The following RNF144A variants were observed in gnomAD, a reference collection of about 807,000 sequenced individuals.
RNF144A encodes the protein ring finger protein 144A.
A neutral mutation model predicts 38.7 loss-of-function variants in RNF144A; 11 were observed. The observed-to-expected ratio is 0.28, with a 90% CI of 0.18 to 0.47. RNF144A has a LOEUF of 0.47. Ranked by LOEUF, RNF144A falls within the 20% of genes least tolerant of loss-of-function variation. The probability of loss-of-function intolerance (pLI) is 0.99; values close to 1 mark genes in which losing one functional copy is unlikely to be tolerated. For missense variants in RNF144A, 316 were observed against 377.2 expected, an observed-to-expected ratio of 0.84 and a Z score of 1.34; for synonymous variants, 149 against 143.9, an observed-to-expected ratio of 1.04 and a Z score of -0.25.
intron 7 of RNF144A, among the ~76,000 whole-genome samples, chr2:7,024,806 G>A (rs1048934931): frequency 6.6e-6 from 1 of 152,164 alleles, no homozygotes; most frequent in African/African-American, 2.4e-5. Context: ...TGTCTAAGCG[G>A]GGACTGTCAT....
rs1438249319 is a variant in RNF144A, at chr2:7,041,929, G to A, written c.*2169G>A. ...TTGGAAGAGTCTCTGGCCCAGTCAT[G>A]CACATCTGTAGCCCCAGCCATCCTT... On this transcript the variant is annotated 3_prime_UTR_variant, in exon 9 of 9. Coordinates refer to ENST00000320892, the MANE Select transcript of RNF144A (RefSeq NM_014746.6). The A allele has an allele frequency of 2.0e-6, 2 of 985,320 alleles. No individual in the cohort carries two copies. Among genetic ancestry groups the A allele is most frequent in the South Asian group, 4.7e-5 (1 of 21,288 alleles). The allele number at this position is 985,320 out of a possible 1,614,324, so 61.0% of individuals were successfully genotyped here.
intron 1 of RNF144A, among the ~76,000 whole-genome samples, chr2:6,925,060 C>T (rs181055814): frequency 2.5e-4 from 38 of 152,318 alleles, no homozygotes; most frequent in African/African-American, 7.5e-4. Context: ...ATTTTGATAG[C>T]GTATGCACTG....
chr2:7,053,172 C>T (rs1673595531), intron 6 of RNF144A, among the ~76,000 whole-genome samples: 1 of 152,080 alleles, frequency 6.6e-6, no homozygotes, highest in African/African-American at 2.4e-5. Context: ...ATCTATCTAC[C>T]GTTTCTAAAA....
chr2:6,981,454 G>T (rs1427556651), intron 2 of RNF144A, among the ~76,000 whole-genome samples: 3 of 152,014 alleles, frequency 2.0e-5, no homozygotes, highest in Non-Finnish European at 2.9e-5. Context: ...AATTTCCTCT[G>T]CCAGATACCT....
chr2:7,025,786 G>T (rs1671853230), intron 7 of RNF144A, among the ~76,000 whole-genome samples: 1 of 152,056 alleles, frequency 6.6e-6, no homozygotes, highest in African/African-American at 2.4e-5. Context: ...TTCATGAAGG[G>T]ATATATTTAT....
At chr2:7,017,506 G>A (rs995991964) in intron 5 of RNF144A, among the ~76,000 whole-genome samples, 5 of 152,096 alleles carry the variant, frequency 3.3e-5, no homozygotes, top group African/African-American at 1.2e-4. Flanking sequence ...GGGATGAGAG[G>A]GGATGCTGGG....
At chr2:7,018,458 C>CCAGCT (rs1346968788) in intron 5 of RNF144A, among the ~76,000 whole-genome samples, 2 of 152,176 alleles carry the variant, frequency 1.3e-5, no homozygotes, top group Non-Finnish European at 2.9e-5. Context: ...ATGACCCAGG[C>CCAGCT]CAGCTGCCTT....
intron 2 of RNF144A, among the ~76,000 whole-genome samples, chr2:6,970,727 C>T (rs1047646951): frequency 1.3e-5 from 2 of 152,146 alleles, no homozygotes; most frequent in East Asian, 3.9e-4. Context: ...GGGTCTGTCC[C>T]AGTGTCCACA....
intron 2 of RNF144A, among the ~76,000 whole-genome samples, chr2:6,988,980 T>C (rs1669161577): frequency 6.6e-6 from 1 of 152,176 alleles, no homozygotes; most frequent in Non-Finnish European, 1.5e-5. Context: ...TCCTATATTG[T>C]TTGGACATCC....
chr2:7,018,560 A>C (rs1208010941), intron 5 of RNF144A, among the ~76,000 whole-genome samples: 2 of 152,248 alleles, frequency 1.3e-5, no homozygotes, highest in Non-Finnish European at 1.5e-5. Context: ...TGTGACTGTC[A>C]GCTCAGGGGA....
rs183858271 is a variant in RNF144A at position 6,947,438 on chromosome 2, A to G, written c.-12+6291A>G. 1.2e-3 allele frequency among the ~76,000 whole-genome samples: 184 copies of G among 152,336 alleles called. 2 individuals are homozygous for G. Among genetic ancestry groups the G allele is most frequent in the Non-Finnish European group, 2.0e-3 (137 of 68,038 alleles). ...TCCTATATTACATTACATGAAGTAAAAATTATGTCAGGAGAATAACAATGG... is the reference window on the plus strand; with the variant it reads ...TCCTATATTACATTACATGAAGTAAGAATTATGTCAGGAGAATAACAATGG... On this transcript the variant is annotated intron_variant, in intron 2 of 8. Transcript: ENST00000320892.
chr2:6,990,682 A>AG (rs1220640733), intron 2 of RNF144A, among the ~76,000 whole-genome samples: 2 of 151,854 alleles, frequency 1.3e-5, no homozygotes, highest in Non-Finnish European at 2.9e-5. Context: ...CAAATTTGCC[A>AG]GGGGGGTAAA....
At position 6,960,580 on chromosome 2, in the gene RNF144A, G is replaced by C. The variant is rs566054858; in HGVS notation, c.-12+19433G>C. Reference sequence around the variant, plus strand: ...AGGAGAAATTAATCACGACTCGGAAGTATTGGTGTGTAGAGAGAAGGATAC... The same window carrying C: ...AGGAGAAATTAATCACGACTCGGAACTATTGGTGTGTAGAGAGAAGGATAC... On this transcript the variant is annotated intron_variant, in intron 2 of 8. Transcript: ENST00000320892. Among the ~76,000 whole-genome samples, 13 of 152,342 alleles carry C rather than the reference G, an allele frequency of 8.5e-5. No homozygotes were observed. The South Asian group carries it at 2.7e-3, about 32-fold the overall frequency.
chr2:7,036,115 C>T (rs1030672203), intron 8 of RNF144A, among the ~76,000 whole-genome samples: 10 of 152,178 alleles, frequency 6.6e-5, no homozygotes, highest in Non-Finnish European at 1.5e-4. Flanking sequence ...CCTGTGCATT[C>T]GCTGTGCACA....
chr2:6,992,087 TTTGGTA>T (rs1423785082), intron 2 of RNF144A, among the ~76,000 whole-genome samples: 1 of 152,082 alleles, frequency 6.6e-6, no homozygotes, highest in Non-Finnish European at 1.5e-5. Context: ...ACAGCTGAGT[TTTGGTA>T]TTGTTGAAGA....
chr2:7,039,532 A>G (rs1258608127), intron 8 of RNF144A, 97 bp from the exon 9 acceptor site: 4 of 1,541,076 alleles, frequency 2.6e-6, no homozygotes, highest in Non-Finnish European at 2.6e-6. Flanking sequence ...GGATGGATGG[A>G]TGGATGGATG....
chr2:6,975,561 G>A (rs1668259233), intron 2 of RNF144A, among the ~76,000 whole-genome samples: 1 of 152,236 alleles, frequency 6.6e-6, no homozygotes, highest in Non-Finnish European at 1.5e-5. Flanking sequence ...AGTGGCTGAT[G>A]TCTGTAATCC....
downstream of RNF144A, among the ~76,000 whole-genome samples, chr2:7,048,479 G>A (rs966726405): frequency 3.3e-5 from 5 of 152,134 alleles, no homozygotes; most frequent in Admixed American, 3.3e-4. Flanking sequence ...CAGACCATGG[G>A]GCCCGGCCCA....
intron 6 of RNF144A, among the ~76,000 whole-genome samples, chr2:7,061,410 T>C (rs1673948742): frequency 6.6e-6 from 1 of 152,214 alleles, no homozygotes; most frequent in African/African-American, 2.4e-5. Context: ...AAGACTTTTA[T>C]TATTTAGAGA....
Sources: gnomAD v4.1 joint callset for allele counts (sites outside exome capture counted in the v4.1 genomes callset) on GRCh38, gnomAD v4.1.1 for gene constraint, MANE v1.5 for transcripts, NCBI Gene and HGNC (gene_info 2026-07-23, HGNC 2026-07-21) for gene names.